CNTNAP4: variants seen among roughly 807,000 people sequenced by gnomAD.
CNTNAP4 encodes contactin associated protein family member 4.
A neutral mutation model predicts 148.4 loss-of-function variants in CNTNAP4; 98 were observed. The observed-to-expected ratio is 0.66, with a 90% confidence interval of 0.56 to 0.78. The LOEUF (loss-of-function observed/expected upper bound fraction) is 0.78. Ranked by LOEUF, CNTNAP4 falls within the 30% of genes least tolerant of loss-of-function variation. The pLI, the probability that CNTNAP4 is intolerant of heterozygous loss-of-function variation, is 0.00. For synonymous variants in CNTNAP4, 730 were observed against 565.1 expected (o/e 1.29, Z -4.14); for missense variants, 1,935 against 1,565.6 (o/e 1.24, Z -3.98).
chr16:76,371,170 A>G (rs2014774843), intron 3 of CNTNAP4, among the ~76,000 whole-genome samples: 1 of 152,222 alleles, frequency 6.6e-6, no homozygotes, highest in African/African-American at 2.4e-5. Flanking sequence ...GTGGGAAAAA[A>G]TAGCAAACAT....
At chr16:76,307,923 A>G (rs917898533) in intron 1 of CNTNAP4, among the ~76,000 whole-genome samples, 9 of 152,224 alleles carry the variant, frequency 5.9e-5, no homozygotes, top group Non-Finnish European at 1.0e-4. Context: ...TTGCCTCCAA[A>G]TGAAAGCTTA....
intron 1 of CNTNAP4, among the ~76,000 whole-genome samples, chr16:76,308,723 C>T (rs555381896): frequency 4.6e-5 from 7 of 152,312 alleles, no homozygotes; most frequent in East Asian, 1.9e-4. Flanking sequence ...GACATCTCCC[C>T]GAGGTGATGC....
chr16:76,558,482 C>A lies in CNTNAP4; in HGVS notation c.3734-8C>A, dbSNP rs1392927331. On this transcript the variant is annotated splice_polypyrimidine_tract_variant and splice_region_variant and intron_variant, in intron 23 of 23. Transcript: ENST00000611870. ...AATTCTGACTTTATATTTCTTTTCT[C>A]TCTCTAGGTCTGATAGCTGTTGTGA... The A allele has an allele frequency of 6.5e-7, 1 of 1,528,968 alleles. No homozygotes were observed. Among genetic ancestry groups the A allele is most frequent in the Non-Finnish European group, 9.0e-7 (1 of 1,116,692 alleles). The allele number at this position is 1,528,968 out of a possible 1,614,324, so 94.7% of individuals were successfully genotyped here.
In CNTNAP4 at chr16:76,504,106, A is replaced by G. The variant is rs573549346; in HGVS notation, c.2365+5412A>G. 5.9e-5 allele frequency among the ~76,000 whole-genome samples: 9 copies of G among 152,266 alleles called. No individual in the cohort carries two copies. The South Asian group carries it at 1.0e-3, about 17-fold the overall frequency. On this transcript the variant is annotated intron_variant, in intron 15 of 23. Transcript: ENST00000611870. ...TAGAAATTGGAAAGCTTATCTTTAAATGTATATTGAAATGCAAAGAAAGTA... is the reference window on the plus strand; with the variant it reads ...TAGAAATTGGAAAGCTTATCTTTAAGTGTATATTGAAATGCAAAGAAAGTA...
intron 3 of CNTNAP4, among the ~76,000 whole-genome samples, chr16:76,413,453 C>T (rs1036456463): frequency 6.6e-6 from 1 of 151,340 alleles, no homozygotes; most frequent in Non-Finnish European, 1.5e-5. Flanking sequence ...ACTCTCCATA[C>T]ATGCTGAATC....
Position 76,559,687 on chromosome 16 carries a change from C to T in CNTNAP4, c.*1004C>T, listed in dbSNP as rs2085342618. Among the ~76,000 whole-genome samples, 1 of 152,054 alleles carries T rather than the reference C, an allele frequency of 6.6e-6. No individual in the cohort carries two copies. The highest frequency in any genetic ancestry group is 1.5e-5 in the Non-Finnish European group (1 of 68,004). The stretch of plus-strand genomic sequence containing the variant: ...TTATCACAAACTTCGCCTTGATCTT[C>T]AATGATTATACTTCACGAATCATCT... On this transcript the variant is annotated 3_prime_UTR_variant, in exon 24 of 24. Transcript: ENST00000611870.
intron 15 of CNTNAP4, among the ~76,000 whole-genome samples, chr16:76,517,082 A>AT (rs901394324): frequency 8.4e-4 from 128 of 152,126 alleles, no homozygotes; most frequent in African/African-American, 2.8e-3. Flanking sequence ...AGTAATTCTG[A>AT]TTTTTTTTAA....
At chr16:76,440,624 C>T (rs1381352765) in intron 4 of CNTNAP4, among the ~76,000 whole-genome samples, 1 of 152,170 alleles carries the variant, frequency 6.6e-6, no homozygotes, top group Non-Finnish European at 1.5e-5. Context: ...AAACAACCCT[C>T]ATGCTGCCAT....
chr16:76,485,276 C>A (rs1414293683), intron 12 of CNTNAP4, among the ~76,000 whole-genome samples: 1 of 152,076 alleles, frequency 6.6e-6, no homozygotes, highest in African/African-American at 2.4e-5. Flanking sequence ...CACCACCACG[C>A]CCAGCCAATT....
chr16:76,483,789 G>T (rs997952044), intron 12 of CNTNAP4, among the ~76,000 whole-genome samples: 1 of 152,144 alleles, frequency 6.6e-6, no homozygotes, highest in Non-Finnish European at 1.5e-5. Flanking sequence ...TGAATGTCAG[G>T]CAGGCCAAAT....
At chr16:76,327,277 C>T (rs1391488075) in intron 2 of CNTNAP4, among the ~76,000 whole-genome samples, 3 of 152,144 alleles carry the variant, frequency 2.0e-5, no homozygotes, top group Non-Finnish European at 4.4e-5. Flanking sequence ...AATATTTTAG[C>T]TCCCACTTAC....
At chr16:76,334,510 C>G (rs530640009) in intron 2 of CNTNAP4, among the ~76,000 whole-genome samples, 10 of 152,252 alleles carry the variant, frequency 6.6e-5, no homozygotes, top group African/African-American at 2.4e-4. Flanking sequence ...TTTTAATTAT[C>G]CTTCAAACAA....
intron 15 of CNTNAP4, among the ~76,000 whole-genome samples, chr16:76,514,549 C>T (rs1473825568): frequency 3.3e-5 from 5 of 152,070 alleles, no homozygotes; most frequent in African/African-American, 4.8e-5. Context: ...TTTCCATTTG[C>T]CACATCTATC....
At chr16:76,473,863 TTTGTTTTG>T (rs1237084117) in intron 10 of CNTNAP4, among the ~76,000 whole-genome samples, 1 of 24,012 alleles carries the variant, frequency 4.2e-5, no homozygotes, top group Non-Finnish European at 1.2e-4. Flanking sequence ...TTTGTTTTGT[TTTGTTTTG>T]TTTTTTAATC....
rs368916686 is a variant in CNTNAP4, at chr16:76,498,578, C to T, written c.2249C>T (p.Thr750Ile). The T allele has an allele frequency of 1.4e-5, 22 of 1,611,270 alleles. No individual in the cohort carries two copies. In the African/African-American group the frequency reaches 2.9e-4, roughly 22 times the overall value. Residue 750 changes from threonine to isoleucine, a missense_variant, in exon 15 of 24, where the codon ACT (threonine) becomes ATT (isoleucine). Physicochemically the swap from Thr to Ile is moderately conservative, Grantham distance 89. Transcript: ENST00000611870. ...DADRNEWTND[T>I]GLLAYKEHLP... ...CTATTGTTTTTTAGGACCAATGACA[C>T]TGGATTGCTTGCTTATAAAGAACAT...
At chr16:76,293,750 A>T (rs1959177299) in intron 1 of CNTNAP4, among the ~76,000 whole-genome samples, 1 of 152,044 alleles carries the variant, frequency 6.6e-6, no homozygotes, top group African/African-American at 2.4e-5. Context: ...TAGGCAAAAT[A>T]TCAGGTGAAA....
chr16:76,337,322 G>C (rs895548863), intron 2 of CNTNAP4, among the ~76,000 whole-genome samples: 6 of 152,144 alleles, frequency 3.9e-5, no homozygotes, highest in African/African-American at 1.4e-4. Context: ...TTCCCTAAAT[G>C]TCAGCCGGTC....
At chr16:76,449,278 T>G (rs565502624) in intron 6 of CNTNAP4, among the ~76,000 whole-genome samples, 2 of 152,288 alleles carry the variant, frequency 1.3e-5, no homozygotes, top group Admixed American at 1.3e-4. Context: ...TGCTATGACT[T>G]CTTTGTGTTC....
intron 2 of CNTNAP4, among the ~76,000 whole-genome samples, chr16:76,333,395 A>G (rs946778760): frequency 6.6e-6 from 1 of 152,186 alleles, no homozygotes; most frequent in African/African-American, 2.4e-5. Context: ...AATTCATTTC[A>G]GTTGTTGTAC....
Sources: allele counts gnomAD v4.1 joint callset (sites outside exome capture counted in the v4.1 genomes callset), GRCh38; gene constraint gnomAD v4.1.1; transcripts MANE v1.5; gene names NCBI Gene and HGNC (gene_info 2026-07-23, HGNC 2026-07-21).